Variants in CYP4F22 observed in about 807,000 individuals in gnomAD.
CYP4F22 encodes cytochrome P450 family 4 subfamily F member 22, also known as ultra-long-chain fatty acid omega-hydroxylase.
A neutral mutation model predicts 60.4 loss-of-function variants in CYP4F22; 37 were observed. The observed-to-expected ratio is 0.61, with a 90% CI of 0.47 to 0.81. The LOEUF (loss-of-function observed/expected upper bound fraction) is 0.81. Ranked by LOEUF, CYP4F22 falls within the 30% of genes least tolerant of loss-of-function variation. The pLI is 0.00. For synonymous variants in CYP4F22, 258 were observed against 280.5 expected (o/e 0.92, Z 0.80); for missense variants, 655 against 715.0 (o/e 0.92, Z 0.96).
At chr19:15,514,962 A>G (rs1340450276) in intron 1 of CYP4F22, among the ~76,000 whole-genome samples, 2 of 152,180 alleles carry the variant, frequency 1.3e-5, no homozygotes, top group East Asian at 3.9e-4. Flanking sequence ...GTTTGTCCCA[A>G]CTAAGCCAGC....
At chr19:15,525,709 T>C in intron 3 of CYP4F22, 151 bp downstream of exon 3, 1 of 755,350 alleles carries the variant, frequency 1.3e-6, no homozygotes, top group Non-Finnish European at 2.1e-6. Context: ...AGGCTGAGGC[T>C]CAGAGAGGGC....
intron 8 of CYP4F22, among the ~76,000 whole-genome samples, chr19:15,541,735 C>G (rs1394270038): frequency 2.0e-5 from 3 of 151,780 alleles, no homozygotes; most frequent in African/African-American, 7.3e-5. Flanking sequence ...ACAAAATTAG[C>G]CGGGCGTGGT....
chr19:15,532,327 TCTC>T (rs1371049327), intron 4 of CYP4F22, among the ~76,000 whole-genome samples: 1 of 148,238 alleles, frequency 6.7e-6, no homozygotes, highest in Admixed American at 6.8e-5. Context: ...TTCTCCTCCT[TCTC>T]CTTCTTCTCC....
intron 1 of CYP4F22, among the ~76,000 whole-genome samples, chr19:15,521,479 C>T (rs1280635349): frequency 6.6e-6 from 1 of 151,470 alleles, no homozygotes; most frequent in African/African-American, 2.4e-5. Context: ...GTGAGCTGCC[C>T]CCTCAGCCTC....
At chr19:15,537,511 C>T (rs759047343) in intron 5 of CYP4F22, 24 bp from the exon 6 acceptor site, 3 of 1,614,100 alleles carry the variant, frequency 1.9e-6, no homozygotes. Context: ...GGAGAGGTCC[C>T]TAACCTCAGT....
intron 1 of CYP4F22, among the ~76,000 whole-genome samples, chr19:15,515,008 C>T (rs1341046902): frequency 1.3e-5 from 2 of 152,106 alleles, no homozygotes; most frequent in Admixed American, 6.6e-5. Flanking sequence ...TCTTCTTTCA[C>T]ACGGGAAAAA....
chr19:15,544,095 A>C, intron 9 of CYP4F22, 55 bp from the exon 10 acceptor site: 1 of 1,614,202 alleles, frequency 6.2e-7, no homozygotes, highest in Admixed American at 1.7e-5. Context: ...GTCTGTAGAC[A>C]GCATCTCTGC....
At chr19:15,510,115 A>T (rs1430558078) in intron 1 of CYP4F22, among the ~76,000 whole-genome samples, 1 of 151,602 alleles carries the variant, frequency 6.6e-6, no homozygotes, top group Non-Finnish European at 1.5e-5. Flanking sequence ...CTGAGTATGG[A>T]GGACTACAGG....
chr19:15,542,211 T>C (rs1375031649), intron 8 of CYP4F22, among the ~76,000 whole-genome samples: 1 of 152,086 alleles, frequency 6.6e-6, no homozygotes, highest in East Asian at 1.9e-4. Flanking sequence ...CTTTTCTTTT[T>C]TCTTGTTTTT....
At chr19:15,547,387 C>A (rs1032888932) in intron 10 of CYP4F22, among the ~76,000 whole-genome samples, 1 of 152,050 alleles carries the variant, frequency 6.6e-6, no homozygotes, top group African/African-American at 2.4e-5. Flanking sequence ...TGCCGTGAGT[C>A]CCCTTGGCTG....
intron 3 of CYP4F22, among the ~76,000 whole-genome samples, chr19:15,528,461 G>C (rs910226158): frequency 2.0e-5 from 3 of 152,166 alleles, no homozygotes; most frequent in African/African-American, 4.8e-5. Flanking sequence ...CTCAGGTGGA[G>C]TGACTCTGAG....
At chr19:15,546,601 C>T (rs2886571) in intron 10 of CYP4F22, among the ~76,000 whole-genome samples, 119,274 of 152,050 alleles carry the variant, frequency 0.78, 46,928 homozygotes, top group East Asian at 0.88. Context: ...AGAGAACCTG[C>T]TAATTTAAAG....
At chr19:15,542,206 C>A (rs1172800690) in intron 8 of CYP4F22, among the ~76,000 whole-genome samples, 1 of 152,068 alleles carries the variant, frequency 6.6e-6, no homozygotes, top group Non-Finnish European at 1.5e-5. Context: ...TCTTTCTTTT[C>A]TTTTTTCTTG....
chr19:15,522,148 A>G lies in CYP4F22; in HGVS notation c.-108-1545A>G, dbSNP rs1014119753. ...CAACAAAAGCGAAACTTTGTCTCAG[A>G]AAAAAAAAAAAAAAAAAAGGAAACA... On this transcript the variant is annotated intron_variant, in intron 1 of 13. Coordinates refer to ENST00000269703, the MANE Select transcript of CYP4F22 (RefSeq NM_173483.4). 3.8e-4 allele frequency among the ~76,000 whole-genome samples: 36 copies of G among 95,870 alleles called. 1 individual carries two copies. In the East Asian group the frequency reaches 9.1e-3, roughly 24 times the overall value. 62.9% of individuals were successfully genotyped at this position (95,870 alleles called of 152,430 possible). A position where few individuals can be genotyped will look rare whatever the true frequency, so the allele number is the denominator to read the frequency against.
At position 15,547,018 on chromosome 19, in the gene CYP4F22, G is replaced by GTTTTTTTTTTTTTTTTTT. The variant is rs71176432; in HGVS notation, c.1137-1085_1137-1068dup. Among the ~76,000 whole-genome samples the GTTTTTTTTTTTTTTTTTT allele has an allele frequency of 2.9e-3, 237 of 82,302 alleles. 28 individuals are homozygous for GTTTTTTTTTTTTTTTTTT. Among genetic ancestry groups the GTTTTTTTTTTTTTTTTTT allele is most frequent in the African/African-American group, 0.013 (225 of 17,580 alleles). 54.0% of individuals were successfully genotyped at this position (82,302 alleles called of 152,430 possible). A position where few individuals can be genotyped will look rare whatever the true frequency, so the allele number is the denominator to read the frequency against. On this transcript the variant is annotated intron_variant, in intron 10 of 13. Transcript: ENST00000269703. ...GAGCCACCATGCCTGGCCTGCACCA[G>GTTTTTTTTTTTTTTTTTT]TTTTTTTTTTTTTTTTTTTTTTAAG...
At chr19:15,510,964 A>ATTTTTT (rs1395915764) in intron 1 of CYP4F22, among the ~76,000 whole-genome samples, 29 of 113,634 alleles carry the variant, frequency 2.6e-4, no homozygotes, top group African/African-American at 1.2e-3. Flanking sequence ...ATATATATAT[A>ATTTTTT]TATTTTTTTT....
intron 1 of CYP4F22, chr19:15,515,568 G>C (rs1366641364): frequency 5.9e-6 from 3 of 506,362 alleles, no homozygotes; most frequent in Non-Finnish European, 1.1e-5. Context: ...CTACTAAAAA[G>C]TACAAAAATT....
At chr19:15,531,931 T>C (rs1203942034) in intron 4 of CYP4F22, among the ~76,000 whole-genome samples, 1 of 151,946 alleles carries the variant, frequency 6.6e-6, no homozygotes, top group Non-Finnish European at 1.5e-5. Flanking sequence ...AGAGCAAGAC[T>C]CTATCTTTAC....
intron 1 of CYP4F22, among the ~76,000 whole-genome samples, chr19:15,510,947 T>C: frequency 9.7e-6 from 1 of 102,810 alleles, no homozygotes; most frequent in South Asian, 3.4e-4. Context: ...AGGGATACCA[T>C]ATATATATAT....
Sources: gnomAD v4.1 joint callset for allele counts (sites outside exome capture counted in the v4.1 genomes callset) on GRCh38, gnomAD v4.1.1 for gene constraint, MANE v1.5 for transcripts, NCBI Gene and HGNC (gene_info 2026-07-23, HGNC 2026-07-21) for gene names.